Variants in AMBRA1 observed in about 807,000 individuals in gnomAD.
AMBRA1 encodes the protein activating molecule in BECN1-regulated autophagy protein 1.
Under a neutral mutation model 125.4 loss-of-function variants are expected in AMBRA1, and 47 were observed. That is an observed-to-expected ratio of 0.37 (90% CI 0.30 to 0.48). AMBRA1 has a LOEUF of 0.48. AMBRA1 is among the 20% of genes least tolerant of loss of function. The pLI is 0.99. For missense variants in AMBRA1, 1,331 were observed against 1,693.4 expected, an observed-to-expected ratio of 0.79 and a Z score of 3.76; for synonymous variants, 626 against 655.5, an observed-to-expected ratio of 0.95 and a Z score of 0.69.
chr11:46,464,649 T>A (rs1565186259), intron 11 of AMBRA1, among the ~76,000 whole-genome samples: 2 of 152,180 alleles, frequency 1.3e-5, no homozygotes, highest in Non-Finnish European at 2.9e-5. Context: ...GATAAGCAAC[T>A]GTACCTCCCA....
chr11:46,500,665 G>C (rs1950803341), intron 9 of AMBRA1, among the ~76,000 whole-genome samples: 1 of 151,936 alleles, frequency 6.6e-6, no homozygotes, highest in Non-Finnish European at 1.5e-5. Flanking sequence ...ATCTATTCAG[G>C]GTCCCTGAAT....
chr11:46,528,091 G>A (rs557015330), intron 7 of AMBRA1, among the ~76,000 whole-genome samples: 1 of 152,332 alleles, frequency 6.6e-6, no homozygotes, highest in Non-Finnish European at 1.5e-5. Context: ...TAAAGAAAAT[G>A]TGGTATATAC....
chr11:46,552,025 C>T (rs1396884320), intron 1 of AMBRA1, among the ~76,000 whole-genome samples: 2 of 148,602 alleles, frequency 1.3e-5, no homozygotes, highest in Admixed American at 1.3e-4. Context: ...GAAACTCCAT[C>T]TCCAAAAAAA....
intron 7 of AMBRA1, among the ~76,000 whole-genome samples, chr11:46,519,642 T>C (rs1185461963): frequency 6.6e-6 from 1 of 152,224 alleles, no homozygotes; most frequent in South Asian, 2.1e-4. Flanking sequence ...CTAGCTTTGA[T>C]GTCTGGATGG....
chr11:46,543,386 G>C lies in AMBRA1; in HGVS notation c.631C>G (p.Pro211Ala). The change falls in exon 7 of 18, where the codon CCA becomes GCA. Residue 211 changes from proline to alanine, a missense_variant. Physicochemically the swap from Pro to Ala is conservative, Grantham distance 27 (BLOSUM62 -1). Transcript: ENST00000683756. Reference protein sequence around the residue: ...NPSNQQGDDEPEIPIDGTELS... With the variant: ...NPSNQQGDDEAEIPIDGTELS... ...TCTGTTCCATCTATGGGGATCTCTG[G>C]TTCGTCATCACCCTGCAACGTGGAC... 1 of 1,613,904 alleles carries C rather than the reference G, an allele frequency of 6.2e-7. No individual in the cohort carries two copies. The highest frequency in any genetic ancestry group is 8.5e-7 in the Non-Finnish European group (1 of 1,179,924).
chr11:46,469,565 A>T (rs1390413242), intron 11 of AMBRA1, among the ~76,000 whole-genome samples: 1 of 152,244 alleles, frequency 6.6e-6, no homozygotes, highest in Non-Finnish European at 1.5e-5. Flanking sequence ...TTATATGAAA[A>T]TATGTACAAT....
chr11:46,579,665 C>T (rs1250580826), intron 1 of AMBRA1, among the ~76,000 whole-genome samples: 2 of 152,146 alleles, frequency 1.3e-5, no homozygotes, highest in African/African-American at 2.4e-5. Flanking sequence ...CCTATCTTCA[C>T]GGATCTTACT....
intron 1 of AMBRA1, among the ~76,000 whole-genome samples, chr11:46,560,940 T>C (rs1409890552): frequency 6.6e-6 from 1 of 152,106 alleles, no homozygotes; most frequent in Non-Finnish European, 1.5e-5. Context: ...CCACCAACAA[T>C]ATCAGGAGGC....
chr11:46,414,630 C>T (rs533167045), intron 15 of AMBRA1, among the ~76,000 whole-genome samples: 1 of 152,328 alleles, frequency 6.6e-6, no homozygotes, highest in South Asian at 2.1e-4. Context: ...CTTCACACCC[C>T]CCATGGTTAT....
chr11:46,564,774 A>T (rs531613454), intron 1 of AMBRA1, among the ~76,000 whole-genome samples: 43 of 152,330 alleles, frequency 2.8e-4, no homozygotes, highest in African/African-American at 9.6e-4. Context: ...AGCGAACCTC[A>T]CTGGAGGTTA....
At chr11:46,442,570 C>A (rs1189306263) in intron 12 of AMBRA1, among the ~76,000 whole-genome samples, 1 of 152,016 alleles carries the variant, frequency 6.6e-6, no homozygotes, top group African/African-American at 2.4e-5. Flanking sequence ...GAGCCCTTCA[C>A]GAGGTAGAAA....
chr11:46,409,385 G>C (rs1346590103), intron 16 of AMBRA1, among the ~76,000 whole-genome samples: 1 of 152,114 alleles, frequency 6.6e-6, no homozygotes, highest in Non-Finnish European at 1.5e-5. Flanking sequence ...ATTTTTAGTA[G>C]AGAGGGGTTT....
chr11:46,407,179 A>C (rs1401615745), intron 17 of AMBRA1, among the ~76,000 whole-genome samples: 1 of 152,172 alleles, frequency 6.6e-6, no homozygotes, highest in Admixed American at 6.5e-5. Flanking sequence ...ACTCCAGCTT[A>C]GGTGACAGAG....
intron 9 of AMBRA1, among the ~76,000 whole-genome samples, chr11:46,495,941 G>T (rs575498327): frequency 6.6e-6 from 1 of 152,216 alleles, no homozygotes; most frequent in South Asian, 2.1e-4. Flanking sequence ...AAGGGTGGAG[G>T]CCTCTAAGCC....
intron 11 of AMBRA1, chr11:46,491,287 G>A (rs1950451799): frequency 6.6e-6 from 1 of 152,220 alleles, no homozygotes; most frequent in African/African-American, 2.4e-5. Context: ...AGGTGGTTTA[G>A]AGACTACTGG....
chr11:46,589,642 CAG>C (rs1260539870), intron 1 of AMBRA1, among the ~76,000 whole-genome samples: 4 of 151,400 alleles, frequency 2.6e-5, no homozygotes, highest in African/African-American at 4.9e-5. Flanking sequence ...TTTTTTGAGA[CAG>C]AGTCTCCCTC....
At chr11:46,450,708 G>T (rs1255475509) in intron 11 of AMBRA1, among the ~76,000 whole-genome samples, 1 of 152,152 alleles carries the variant, frequency 6.6e-6, no homozygotes, top group Non-Finnish European at 1.5e-5. Flanking sequence ...CTCCCAAAGT[G>T]TTGGGATTAT....
chr11:46,491,239 T>C (rs994084737), intron 11 of AMBRA1: 3 of 152,208 alleles, frequency 2.0e-5, no homozygotes, highest in Non-Finnish European at 4.4e-5. Flanking sequence ...ATTTTAATGT[T>C]TTGTCCTTTA....
intron 7 of AMBRA1, among the ~76,000 whole-genome samples, chr11:46,528,809 GC>G (rs1324383362): frequency 1.3e-5 from 2 of 152,244 alleles, no homozygotes; most frequent in Admixed American, 1.3e-4. Flanking sequence ...GGTTACATGT[GC>G]CAACAGAACA....
Sources: allele counts gnomAD v4.1 joint callset (sites outside exome capture counted in the v4.1 genomes callset), GRCh38; gene constraint gnomAD v4.1.1; transcripts MANE v1.5; gene names NCBI Gene and HGNC (gene_info 2026-07-23, HGNC 2026-07-21).